The following RASA1 variants were observed in gnomAD, a reference collection of about 807,000 sequenced individuals.
RASA1 encodes ras GTPase-activating protein 1.
Under a neutral mutation model 132.2 loss-of-function variants are expected in RASA1, and 25 were observed. That is an observed-to-expected ratio of 0.19 (90% confidence interval 0.14 to 0.26). RASA1 has a LOEUF of 0.26. Among genes scored for constraint, RASA1 ranks in the 10% least tolerant of loss-of-function variants. The pLI is 1.00. For missense variants in RASA1, 964 were observed against 1,299.2 expected (o/e 0.74, Z 3.97); for synonymous variants, 477 against 449.9 (o/e 1.06, Z -0.76).
In RASA1 at chr5:87,338,536, AT is replaced by A. The variant is rs1232583853; in HGVS notation, c.1017+459del. Among the ~76,000 whole-genome samples, 16 of 85,220 alleles carry A rather than the reference AT, an allele frequency of 1.9e-4. 1 individual carries two copies. The highest frequency in any genetic ancestry group is 5.2e-4 in the Admixed American group (4 of 7,722). 55.9% of individuals were successfully genotyped at this position (85,220 alleles called of 152,430 possible). A position where few individuals can be genotyped will look rare whatever the true frequency, so the allele number is the denominator to read the frequency against. On this transcript the variant is annotated intron_variant, in intron 5 of 24. Coordinates refer to ENST00000274376, the MANE Select transcript of RASA1 (RefSeq NM_002890.3). ...ATATATATATATATATATATATAAAATTTTTTTTTTTTTTAAGTAGAAATGG... is the reference window on the plus strand; with the variant it reads ...ATATATATATATATATATATATAAAATTTTTTTTTTTTTAAGTAGAAATGG...
chr5:87,288,233 A>G (rs774198452), intron 1 of RASA1, among the ~76,000 whole-genome samples: 4 of 150,412 alleles, frequency 2.7e-5, no homozygotes, highest in Middle Eastern at 3.2e-3. Flanking sequence ...TCCATTTACT[A>G]TTTCTTCTGT....
intron 1 of RASA1, among the ~76,000 whole-genome samples, chr5:87,286,997 A>G (rs899154942): frequency 6.8e-6 from 1 of 147,598 alleles, no homozygotes; most frequent in Admixed American, 6.8e-5. Flanking sequence ...TACACACCAT[A>G]TATATACCAT....
intron 4 of RASA1, among the ~76,000 whole-genome samples, chr5:87,334,094 G>A (rs1282196674): frequency 6.6e-6 from 1 of 152,170 alleles, no homozygotes; most frequent in Non-Finnish European, 1.5e-5. Flanking sequence ...GTGTTCTCTA[G>A]AGGAGATTTT....
rs150779406 is a variant in RASA1, at chr5:87,346,734, T to C, written c.1102+10T>C. The C allele has an allele frequency of 1.8e-3, 2,798 of 1,527,266 alleles. 19 individuals are homozygous for C. The highest frequency in any genetic ancestry group is 0.014 in the East Asian group (621 of 44,006). The allele number at this position is 1,527,266 out of a possible 1,614,324, so 94.6% of individuals were successfully genotyped here. The stretch of plus-strand genomic sequence containing the variant: ...AATTTACTAATGACAGGTACTTACA[T>C]ATTTACTTGCTTTTCTAATGTCTAT... On this transcript the variant is annotated intron_variant, in intron 7 of 24. Coordinates refer to ENST00000274376, the MANE Select transcript of RASA1 (RefSeq NM_002890.3).
chr5:87,285,520 A>G (rs1458937943), intron 1 of RASA1, among the ~76,000 whole-genome samples: 1 of 151,868 alleles, frequency 6.6e-6, no homozygotes, highest in Non-Finnish European at 1.5e-5. Context: ...TGTGCATAGC[A>G]TTGTAGTGTA....
At chr5:87,328,249 C>T (rs1297147303) in intron 1 of RASA1, among the ~76,000 whole-genome samples, 2 of 152,118 alleles carry the variant, frequency 1.3e-5, no homozygotes, top group Non-Finnish European at 2.9e-5. Context: ...TCATGTTACA[C>T]TCAGAGTATT....
chr5:87,370,083 A>G (rs1760819516), intron 12 of RASA1, among the ~76,000 whole-genome samples, 183 bp downstream of exon 12: 1 of 152,178 alleles, frequency 6.6e-6, no homozygotes, highest in Non-Finnish European at 1.5e-5. Flanking sequence ...GCAAAAACAA[A>G]CACAGTGAAG....
intron 3 of RASA1, 22 bp downstream of exon 3, chr5:87,332,664 T>A: frequency 6.3e-7 from 1 of 1,597,456 alleles, no homozygotes; most frequent in Non-Finnish European, 8.6e-7. Flanking sequence ...GAATAAAATA[T>A]CTTTCAAAAC....
rs3069490 is a variant in RASA1, at chr5:87,338,501, TTATATA to T, written c.1017+437_1017+442del. On this transcript the variant is annotated intron_variant, in intron 5 of 24. Transcript: ENST00000274376. ...CATGTGCCACCATGCCCAGCTAATTTTATATATATATATATATATATATATATATAT... is the reference window on the plus strand; with the variant it reads ...CATGTGCCACCATGCCCAGCTAATTTTATATATATATATATATATATATAT... Among the ~76,000 whole-genome samples, 7 of 75,668 alleles carry T rather than the reference TTATATA, an allele frequency of 9.3e-5. 1 individual carries two copies. Among genetic ancestry groups the T allele is most frequent in the Non-Finnish European group, 1.3e-4 (5 of 39,640 alleles). The allele number at this position is 75,668 out of a possible 152,430, so 49.6% of individuals were successfully genotyped here.
intron 20 of RASA1, among the ~76,000 whole-genome samples, chr5:87,382,899 T>C (rs1375063657): frequency 6.6e-6 from 1 of 151,286 alleles, no homozygotes; most frequent in Non-Finnish European, 1.5e-5. Flanking sequence ...CTGGGCACCG[T>C]AGCGAGACTC....
chr5:87,389,370 G>C, intron 23 of RASA1, 23 bp from the exon 24 acceptor site: 1 of 1,613,256 alleles, frequency 6.2e-7, no homozygotes, highest in Non-Finnish European at 8.5e-7. Context: ...ATTTCTAAAT[G>C]CAATTTTACG....
intron 1 of RASA1, among the ~76,000 whole-genome samples, chr5:87,271,862 A>G (rs1753855783): frequency 6.6e-6 from 1 of 151,908 alleles, no homozygotes; most frequent in Non-Finnish European, 1.5e-5. Context: ...TTTAGTAATA[A>G]ACACGATTGG....
intron 1 of RASA1, among the ~76,000 whole-genome samples, chr5:87,290,223 G>C (rs1016148969): frequency 2.0e-5 from 3 of 152,158 alleles, no homozygotes; most frequent in Admixed American, 6.6e-5. Flanking sequence ...ATCAAAAAAG[G>C]CATTGGATTT....
intron 9 of RASA1, among the ~76,000 whole-genome samples, chr5:87,354,244 A>G (rs570837311): frequency 6.6e-6 from 1 of 152,242 alleles, no homozygotes; most frequent in East Asian, 1.9e-4. Flanking sequence ...TTTATTGTGC[A>G]TTGCCTTATT....
chr5:87,351,797 T>C (rs890553522), intron 8 of RASA1, among the ~76,000 whole-genome samples: 1 of 151,810 alleles, frequency 6.6e-6, no homozygotes, highest in African/African-American at 2.4e-5. Flanking sequence ...CCACACACTT[T>C]TAAATTTGCT....
intron 1 of RASA1, among the ~76,000 whole-genome samples, chr5:87,273,164 A>G (rs1225937561): frequency 6.6e-6 from 1 of 152,218 alleles, no homozygotes; most frequent in African/African-American, 2.4e-5. Flanking sequence ...AATTAACACT[A>G]TTAATTAGTA....
chr5:87,388,129 T>C (rs1156574098), intron 23 of RASA1, among the ~76,000 whole-genome samples: 1 of 152,210 alleles, frequency 6.6e-6, no homozygotes, highest in African/African-American at 2.4e-5. Context: ...TATATAATTC[T>C]GTGTTGCTAT....
At chr5:87,319,263 A>T (rs1335643327) in intron 1 of RASA1, among the ~76,000 whole-genome samples, 1 of 152,176 alleles carries the variant, frequency 6.6e-6, no homozygotes, top group Non-Finnish European at 1.5e-5. Context: ...CTGGAGGATG[A>T]TGGCCCTCTT....
intron 1 of RASA1, among the ~76,000 whole-genome samples, chr5:87,325,205 G>A (rs377576929): frequency 1.8e-4 from 28 of 152,250 alleles, no homozygotes; most frequent in Admixed American, 5.9e-4. Flanking sequence ...ATTAGATCTC[G>A]TGAGAACTCA....
Sources: gnomAD v4.1 joint callset for allele counts (sites outside exome capture counted in the v4.1 genomes callset) on GRCh38, gnomAD v4.1.1 for gene constraint, MANE v1.5 for transcripts, NCBI Gene and HGNC (gene_info 2026-07-23, HGNC 2026-07-21) for gene names.